Variants in CBFA2T2 observed in about 807,000 individuals in gnomAD.
CBFA2T2 encodes CBFA2/RUNX1 partner transcriptional co-repressor 2, also known as protein CBFA2T2.
In CBFA2T2, 11 loss-of-function variants were observed where a neutral mutation model predicts 62.2. The observed-to-expected ratio is 0.18, with a 90% CI of 0.11 to 0.29. CBFA2T2 has a LOEUF of 0.29. CBFA2T2 is among the 10% of genes least tolerant of loss of function. CBFA2T2 has a pLI of 1.00. For synonymous variants in CBFA2T2, 295 were observed against 287.5 expected, an observed-to-expected ratio of 1.03 and a Z score of -0.27; for missense variants, 592 against 774.1, an observed-to-expected ratio of 0.76 and a Z score of 2.79.
intron 8 of CBFA2T2, among the ~76,000 whole-genome samples, chr20:33,633,377 AAAAT>A (rs66921034): frequency 0.52 from 76,686 of 147,124 alleles, 20,543 homozygotes; most frequent in East Asian, 0.69. Flanking sequence ...TCGCAAAAAA[AAAAT>A]AAATAAATAA....
In CBFA2T2 at chr20:33,529,698, C is replaced by T. The variant is rs760890639; in HGVS notation, c.34+39397C>T. ...AAAAAACAAACAAAAAAAAACTAGG[C>T]ATAAGATTACTTCTAGTGTCTTGTA... is the stretch of plus-strand genomic sequence containing the variant. On this transcript the variant is annotated intron_variant, in intron 1 of 10. Transcript: ENST00000342704. 1.1e-3 allele frequency among the ~76,000 whole-genome samples: 159 copies of T among 143,236 alleles called. 1 individual carries two copies. Among genetic ancestry groups the T allele is most frequent in the Non-Finnish European group, 1.3e-3 (85 of 66,574 alleles). The allele number at this position is 143,236 out of a possible 152,430, so 94.0% of individuals were successfully genotyped here.
intron 1 of CBFA2T2, among the ~76,000 whole-genome samples, chr20:33,554,589 C>T (rs1350669177): frequency 3.5e-4 from 44 of 124,934 alleles, no homozygotes; most frequent in Admixed American, 6.1e-4. Context: ...TTTCCTTTTC[C>T]TTTTTCTTTT....
At chr20:33,517,155 A>G (rs1049262557) in intron 1 of CBFA2T2, among the ~76,000 whole-genome samples, 5 of 152,334 alleles carry the variant, frequency 3.3e-5, no homozygotes, top group East Asian at 1.9e-4. Flanking sequence ...AGATCTACCA[A>G]TTACCTGTGG....
intron 10 of CBFA2T2, 44 bp downstream of exon 10, chr20:33,640,575 G>A: frequency 1.3e-6 from 2 of 1,574,798 alleles, no homozygotes; most frequent in Non-Finnish European, 1.7e-6. Context: ...CAGCTGGAGT[G>A]ACCACGCCCG....
chr20:33,528,847 C>T (rs1433952941), intron 1 of CBFA2T2, among the ~76,000 whole-genome samples: 2 of 152,094 alleles, frequency 1.3e-5, no homozygotes, highest in African/African-American at 2.4e-5. Context: ...CCTAAAATGT[C>T]AACTCTTGGT....
At chr20:33,496,814 C>A (rs2011204188) in intron 1 of CBFA2T2, among the ~76,000 whole-genome samples, 1 of 152,096 alleles carries the variant, frequency 6.6e-6, no homozygotes. Flanking sequence ...GCTTTCCATC[C>A]TTTTTCACCC....
At chr20:33,604,265 G>A (rs2015252485) in intron 1 of CBFA2T2, among the ~76,000 whole-genome samples, 1 of 152,076 alleles carries the variant, frequency 6.6e-6, no homozygotes, top group Admixed American at 6.6e-5. Context: ...CATCATTCCT[G>A]TTAATTAAGC....
chr20:33,494,244 T>C (rs1396040746), intron 1 of CBFA2T2, among the ~76,000 whole-genome samples: 10 of 21,888 alleles, frequency 4.6e-4, no homozygotes, highest in African/African-American at 1.4e-3. Context: ...TATATATGTG[T>C]ATATATATAT....
chr20:33,627,390 C>T (rs143975339), intron 6 of CBFA2T2, among the ~76,000 whole-genome samples: 143 of 151,752 alleles, frequency 9.4e-4, no homozygotes, highest in East Asian at 3.7e-3. Context: ...AGTGAGACTC[C>T]GTCAAGGGGG....
At chr20:33,603,669 G>A (rs1303859458) in intron 1 of CBFA2T2, among the ~76,000 whole-genome samples, 1 of 152,140 alleles carries the variant, frequency 6.6e-6, no homozygotes, top group Non-Finnish European at 1.5e-5. Context: ...GATATGCTAA[G>A]CAATGGTGTT....
intron 1 of CBFA2T2, among the ~76,000 whole-genome samples, chr20:33,575,961 G>A (rs1010307261): frequency 3.3e-5 from 5 of 150,742 alleles, no homozygotes; most frequent in African/African-American, 1.2e-4. Context: ...TTTTTTTAAT[G>A]TATTTTTAGT....
intron 1 of CBFA2T2, among the ~76,000 whole-genome samples, chr20:33,507,975 G>A (rs1198638717): frequency 6.6e-6 from 1 of 152,118 alleles, no homozygotes; most frequent in Non-Finnish European, 1.5e-5. Context: ...AGTTGAGGCT[G>A]GGTCAGGTTT....
chr20:33,498,375 C>T (rs1465528470), intron 1 of CBFA2T2, among the ~76,000 whole-genome samples: 2 of 151,748 alleles, frequency 1.3e-5, no homozygotes, highest in African/African-American at 4.8e-5. Flanking sequence ...CCTCAGCTTC[C>T]CAAGTCGCTG....
At chr20:33,565,782 C>T (rs2013285348) in intron 1 of CBFA2T2, among the ~76,000 whole-genome samples, 1 of 152,102 alleles carries the variant, frequency 6.6e-6, no homozygotes, top group Admixed American at 6.6e-5. Context: ...CCAGTAATGA[C>T]CCAAGCATAT....
At chr20:33,514,865 T>G (rs1366104857) in intron 1 of CBFA2T2, among the ~76,000 whole-genome samples, 1 of 151,692 alleles carries the variant, frequency 6.6e-6, no homozygotes, top group East Asian at 2.0e-4. Context: ...CCTGGCTGAT[T>G]TTTTAATTAT....
At chr20:33,580,904 A>G (rs1408800368) in intron 1 of CBFA2T2, among the ~76,000 whole-genome samples, 1 of 152,158 alleles carries the variant, frequency 6.6e-6, no homozygotes, top group African/African-American at 2.4e-5. Flanking sequence ...GGTAGGATGT[A>G]TGTGCAGTAT....
chr20:33,616,909 G>A (rs1392324047), intron 3 of CBFA2T2, among the ~76,000 whole-genome samples: 2 of 152,136 alleles, frequency 1.3e-5, no homozygotes, highest in African/African-American at 4.8e-5. Context: ...CAACACTGAT[G>A]TACAGAAATC....
chr20:33,581,530 T>G (rs2014115509), intron 1 of CBFA2T2, among the ~76,000 whole-genome samples: 1 of 152,106 alleles, frequency 6.6e-6, no homozygotes, highest in Admixed American at 6.6e-5. Context: ...TGTTGTTGTT[T>G]TGTTTTGTTT....
At chr20:33,551,792 A>G (rs1206096370) in intron 1 of CBFA2T2, among the ~76,000 whole-genome samples, 1 of 152,162 alleles carries the variant, frequency 6.6e-6, no homozygotes, top group Non-Finnish European at 1.5e-5. Context: ...TTGGCTTCCC[A>G]AAGTGCTGGG....
Sources: gnomAD v4.1 joint callset for allele counts (sites outside exome capture counted in the v4.1 genomes callset) on GRCh38, gnomAD v4.1.1 for gene constraint, MANE v1.5 for transcripts, NCBI Gene and HGNC (gene_info 2026-07-23, HGNC 2026-07-21) for gene names.